CAPN1: variants seen among roughly 807,000 people sequenced by gnomAD.
CAPN1 encodes calpain-1 catalytic subunit.
In CAPN1, 77 loss-of-function variants were observed where a neutral mutation model predicts 105.2. The observed-to-expected ratio is 0.73, with a 90% CI of 0.61 to 0.88. CAPN1 has a LOEUF of 0.88. Ranked by LOEUF, CAPN1 falls within the 40% of genes least tolerant of loss-of-function variation. CAPN1 has a pLI of 0.00. For missense variants in CAPN1, 833 were observed against 976.6 expected (o/e 0.85, Z 1.96); for synonymous variants, 355 against 388.8 (o/e 0.91, Z 1.02).
chr11:65,190,915 G>A (rs1203458430), intron 10 of CAPN1, among the ~76,000 whole-genome samples: 1 of 152,132 alleles, frequency 6.6e-6, no homozygotes, highest in Non-Finnish European at 1.5e-5. Context: ...GTTTCACCAT[G>A]TTGGCCAGGC....
At chr11:65,206,848 T>A (rs1448560282) in intron 14 of CAPN1, 29 bp downstream of exon 14, 1 of 1,599,730 alleles carries the variant, frequency 6.3e-7, no homozygotes, top group South Asian at 1.1e-5. Context: ...CCAGGCCCCG[T>A]CCTCCTCTCT....
In CAPN1 at chr11:65,208,291, C is replaced by G; in HGVS notation, c.1729+29C>G. 6 of 1,545,082 alleles carry G rather than the reference C, an allele frequency of 3.9e-6. No homozygotes were observed. In the South Asian group the frequency reaches 7.1e-5, roughly 18 times the overall value. ...AGTCCCCGCGGGGCTGTCCCACCAC[C>G]CCACCATTTCTTCCACATCAGAATC... is the stretch of plus-strand genomic sequence containing the variant. On this transcript the variant is annotated intron_variant, in intron 16 of 21. Transcript: ENST00000279247. This position sits in a 1 kb window ranked among gnomAD's most constrained non-coding sequence, Gnocchi z 4.1.
rs1443122491 is a variant in CAPN1, at chr11:65,211,309, C to T, written c.*23C>T. ...TGAGGCAGGGACTCGGTCCCCCTTG[C>T]CGTGCTCCCCTCCCTCCTCGTCTGC... On this transcript the variant is annotated 3_prime_UTR_variant, in exon 22 of 22. Coordinates refer to ENST00000279247, the MANE Select transcript of CAPN1 (RefSeq NM_005186.4). 2 of 1,610,386 alleles carry T rather than the reference C, an allele frequency of 1.2e-6. No individual in the cohort carries two copies. Among genetic ancestry groups the T allele is most frequent in the Non-Finnish European group, 8.5e-7 (1 of 1,178,926 alleles).
chr11:65,182,944 T>C lies in CAPN1; in HGVS notation c.243T>C (p.Tyr81=). Residue 81 remains tyrosine, a synonymous_variant, in exon 2 of 22, where the codon TAT becomes TAC. Coordinates refer to ENST00000279247, the MANE Select transcript of CAPN1 (RefSeq NM_005186.4). The stretch of plus-strand genomic sequence containing the variant: ...TGGGTCCCAATTCCTCCAAGACCTA[T>C]GGCATCAAGTGGAAGCGTCCCACGG... ...KDLGPNSSKT[Y]GIKWKRPTEL... is the part of the protein sequence containing the mutation. 6.2e-7 allele frequency: 1 copy of C among 1,613,280 alleles called. No homozygotes were observed. The highest frequency in any genetic ancestry group is 8.5e-7 in the Non-Finnish European group (1 of 1,179,614).
chr11:65,211,248 G>A lies in CAPN1; in HGVS notation c.2119-12G>A, dbSNP rs1949044112. 8 of 1,612,686 alleles carry A rather than the reference G, an allele frequency of 5.0e-6. No individual in the cohort carries two copies. Among genetic ancestry groups the A allele is most frequent in the Non-Finnish European group, 6.8e-6 (8 of 1,179,760 alleles). ...TTCTGCGGCCCCAGCTGACCTGCCT[G>A]TTCTCCCGCAGTGGTTGCAGCTGAC... On this transcript the variant is annotated splice_polypyrimidine_tract_variant and intron_variant, in intron 21 of 21. Coordinates refer to ENST00000279247, the MANE Select transcript of CAPN1 (RefSeq NM_005186.4).
At chr11:65,190,517 G>C (rs989642751) in intron 10 of CAPN1, among the ~76,000 whole-genome samples, 3 of 152,094 alleles carry the variant, frequency 2.0e-5, no homozygotes, top group African/African-American at 7.2e-5. Flanking sequence ...TCTCTCCCCA[G>C]CAGCACTAGC....
At chr11:65,207,435 A>G (rs1339032227) in intron 14 of CAPN1, among the ~76,000 whole-genome samples, 2 of 150,866 alleles carry the variant, frequency 1.3e-5, no homozygotes, top group South Asian at 4.2e-4. Context: ...CCTGACTTCA[A>G]GTGATCCACC....
chr11:65,181,524 C>T (rs978753944), upstream of CAPN1: 15 of 363,422 alleles, frequency 4.1e-5, no homozygotes, highest in African/African-American at 2.7e-4. This position sits in a 1 kb window ranked among gnomAD's most constrained non-coding sequence, Gnocchi z 4.6. Flanking sequence ...GCGGCGCCGC[C>T]GCACAATCGC....
intron 12 of CAPN1, chr11:65,206,007 G>C: frequency 3.7e-6 from 2 of 542,668 alleles, no homozygotes; most frequent in South Asian, 4.7e-5. Context: ...CACCAAGTAA[G>C]TGCCAACTAG....
At chr11:65,203,884 A>ATTC (rs1360266921) in intron 10 of CAPN1, among the ~76,000 whole-genome samples, 4 of 151,894 alleles carry the variant, frequency 2.6e-5, no homozygotes, top group Non-Finnish European at 5.9e-5. Context: ...TATTATTATT[A>ATTC]TTATTATTGT....
Position 65,188,108 on chromosome 11 carries a change from G to C in CAPN1, c.929+68G>C. 1 of 1,135,620 alleles carries C rather than the reference G, an allele frequency of 8.8e-7. No homozygotes were observed. The highest frequency in any genetic ancestry group is 1.3e-6 in the Non-Finnish European group (1 of 793,248). 70.3% of individuals were successfully genotyped at this position (1,135,620 alleles called of 1,614,324 possible). ...GTTAGGTGCCCCGACATTTCTGCTC[G>C]GGACTCTACCAGGCCAGGCTGGACT... On this transcript the variant is annotated intron_variant, in intron 8 of 21. Transcript: ENST00000279247. The surrounding 1 kb of genome is among the most constrained non-coding windows in gnomAD (Gnocchi z 5.5).
rs773411012 is a variant in CAPN1 at position 65,188,507 on chromosome 11, T to C, written c.1004+19T>C. The C allele has an allele frequency of 6.2e-7, 1 of 1,612,820 alleles. No individual in the cohort carries two copies. Among genetic ancestry groups the C allele is most frequent in the Non-Finnish European group, 8.5e-7 (1 of 1,179,280 alleles). On this transcript the variant is annotated intron_variant, in intron 9 of 21. Coordinates refer to ENST00000279247, the MANE Select transcript of CAPN1 (RefSeq NM_005186.4). This position sits in a 1 kb window ranked among gnomAD's most constrained non-coding sequence, Gnocchi z 5.5. ...AGTTCTGGTGAGCGCCCCCTCCCCT[T>C]CTACCCCACCTCTCCACCCCTACAC...
At chr11:65,184,922 G>A (rs1396274267) in intron 4 of CAPN1, among the ~76,000 whole-genome samples, 1 of 152,132 alleles carries the variant, frequency 6.6e-6, no homozygotes, top group Non-Finnish European at 1.5e-5. Context: ...GAGGCTCAGA[G>A]GCGATAACTT....
chr11:65,192,640 CTT>C (rs11309067), intron 10 of CAPN1, among the ~76,000 whole-genome samples: 44 of 148,526 alleles, frequency 3.0e-4, no homozygotes, highest in African/African-American at 6.2e-4. Flanking sequence ...CTTTTTCTTT[CTT>C]TTTTTTTTTA....
chr11:65,185,399 A>G (rs1208539794), intron 4 of CAPN1, among the ~76,000 whole-genome samples: 2 of 152,052 alleles, frequency 1.3e-5, no homozygotes, highest in Non-Finnish European at 2.9e-5. Flanking sequence ...CAGAGGGAAT[A>G]GATGGTAATT....
In CAPN1 at chr11:65,210,173, C is replaced by T. The variant is rs625750; in HGVS notation, c.1942+77C>T. 0.43 allele frequency: 563,186 copies of T among 1,297,770 alleles called. 126,038 individuals carry two copies. The highest frequency in any genetic ancestry group is 0.49 in the Middle Eastern group (2,589 of 5,264). The allele number at this position is 1,297,770 out of a possible 1,614,324, so 80.4% of individuals were successfully genotyped here. ...CTGCTCCTATGCCCCAGGCCCTTGTCCCTGGGGTGCTAGTGGTGACATGGT... is the reference window on the plus strand; with the variant it reads ...CTGCTCCTATGCCCCAGGCCCTTGTTCCTGGGGTGCTAGTGGTGACATGGT... On this transcript the variant is annotated intron_variant, in intron 19 of 21. Coordinates refer to ENST00000279247, the MANE Select transcript of CAPN1 (RefSeq NM_005186.4). This position sits in a 1 kb window ranked among gnomAD's most constrained non-coding sequence, Gnocchi z 4.3.
chr11:65,205,562 G>A, intron 11 of CAPN1, 148 bp from the exon 12 acceptor site: 1 of 735,924 alleles, frequency 1.4e-6, no homozygotes, highest in Non-Finnish European at 2.4e-6. Context: ...TGTGGTGCAG[G>A]GACCAGATCT....
At position 65,182,889 on chromosome 11, in the gene CAPN1, C is replaced by G. The variant is rs1184269173; in HGVS notation, c.188C>G (p.Pro63Arg). The change falls in exon 2 of 22, where the codon CCG becomes CGG. Residue 63 changes from proline (P) to arginine (R), a missense_variant. Pro to Arg is a moderately radical substitution (Grantham distance 103). Coordinates refer to ENST00000279247, the MANE Select transcript of CAPN1 (RefSeq NM_005186.4). ...GTLFRDEAFP[P>R]VPQSLGYKDL... is the part of the protein sequence containing the mutation. Reference sequence around the variant, plus strand: ...CTCTTCCGTGATGAGGCCTTCCCCCCGGTACCCCAGAGCCTGGGTTACAAG... The same window carrying G: ...CTCTTCCGTGATGAGGCCTTCCCCCGGGTACCCCAGAGCCTGGGTTACAAG... 2.5e-6 allele frequency: 4 copies of G among 1,605,984 alleles called. No individual in the cohort carries two copies. The highest frequency in any genetic ancestry group is 3.4e-6 in the Non-Finnish European group (4 of 1,176,528).
chr11:65,206,915 T>A, intron 14 of CAPN1, 96 bp downstream of exon 14: 2 of 1,176,676 alleles, frequency 1.7e-6, no homozygotes, highest in Non-Finnish European at 2.4e-6. Context: ...GAGTTCCTGC[T>A]AACAGGGAAG....
Sources: gnomAD v4.1 joint callset for allele counts (sites outside exome capture counted in the v4.1 genomes callset) on GRCh38, gnomAD v4.1.1 for gene constraint, Gnocchi (gnomAD v3.1) non-coding constraint, MANE v1.5 for transcripts, NCBI Gene and HGNC (gene_info 2026-07-23, HGNC 2026-07-21) for gene names.